Variants in CSMD1 observed in about 807,000 individuals in gnomAD.
The protein encoded by CSMD1 is CUB and sushi domain-containing protein 1.
CSMD1 carries 213 observed loss-of-function variants against 417.5 expected under a neutral mutation model. That is an observed-to-expected ratio of 0.51 (90% CI 0.46 to 0.57). The LOEUF (loss-of-function observed/expected upper bound fraction) is 0.57. CSMD1 is among the 20% of genes least tolerant of loss of function. The probability of loss-of-function intolerance (pLI) is 0.00; values close to 1 mark genes in which losing one functional copy is unlikely to be tolerated. For synonymous variants in CSMD1, 2,862 were observed against 1,736.8 expected, an observed-to-expected ratio of 1.65 and a Z score of -16.11; for missense variants, 6,923 against 4,529.7, an observed-to-expected ratio of 1.53 and a Z score of -15.17.
intron 57 of CSMD1, among the ~76,000 whole-genome samples, chr8:2,967,728 A>C (rs2062304): frequency 0.36 from 54,876 of 152,010 alleles, 10,696 homozygotes; most frequent in East Asian, 0.56. Context: ...TTTAATTGAA[A>C]CAATTTCAAA....
intron 2 of CSMD1, among the ~76,000 whole-genome samples, chr8:4,626,406 G>A (rs1031297261): frequency 5.9e-5 from 9 of 152,226 alleles, no homozygotes; most frequent in African/African-American, 2.2e-4. Context: ...TATGTGGAAG[G>A]AAGTAGTAGT....
chr8:4,940,568 C>T (rs4584160), intron 1 of CSMD1, among the ~76,000 whole-genome samples: 76,373 of 152,074 alleles, frequency 0.5, 20,385 homozygotes, highest in East Asian at 0.79. Flanking sequence ...CAACTAGCCT[C>T]GTGAAGTTTA....
chr8:4,315,390 T>C (rs1798862670), intron 3 of CSMD1, among the ~76,000 whole-genome samples: 1 of 152,016 alleles, frequency 6.6e-6, no homozygotes, highest in African/African-American at 2.4e-5. Context: ...CACTAATATG[T>C]CCCCAAGCAA....
intron 1 of CSMD1, among the ~76,000 whole-genome samples, chr8:4,804,201 T>C (rs189879889): frequency 1.2e-4 from 19 of 152,266 alleles, no homozygotes; most frequent in African/African-American, 3.6e-4. Context: ...TTTCAGGAAA[T>C]TTAAACCATA....
chr8:4,075,104 A>G (rs1799754197), intron 3 of CSMD1, among the ~76,000 whole-genome samples: 1 of 152,188 alleles, frequency 6.6e-6, no homozygotes. Flanking sequence ...GACAAAGAAC[A>G]AAGTTGAATA....
rs146893448 is a variant in CSMD1 at position 4,672,377 on chromosome 8, A to G, written c.86-34819T>C. On this transcript the variant is annotated intron_variant, in intron 1 of 69. Coordinates refer to ENST00000635120, the MANE Select transcript of CSMD1 (RefSeq NM_033225.6). Reference sequence around the variant, plus strand: ...ACTTGAAGTAACTGTAAAGAGACTTAGAGCCTGTTCACATTCTCACACTTT... The same window carrying G: ...ACTTGAAGTAACTGTAAAGAGACTTGGAGCCTGTTCACATTCTCACACTTT... Among the ~76,000 whole-genome samples, 549 of 152,350 alleles carry G rather than the reference A, an allele frequency of 3.6e-3. 3 individuals are homozygous for G. Among genetic ancestry groups the G allele is most frequent in the Middle Eastern group, 0.014 (4 of 294 alleles).
intron 2 of CSMD1, among the ~76,000 whole-genome samples, chr8:4,452,786 T>C (rs572530989): frequency 6.6e-6 from 1 of 152,094 alleles, no homozygotes; most frequent in Non-Finnish European, 1.5e-5. Context: ...CAATAAAGTT[T>C]ATTGGATTAA....
chr8:3,350,343 T>C (rs1808336737), intron 21 of CSMD1, among the ~76,000 whole-genome samples: 1 of 144,764 alleles, frequency 6.9e-6, no homozygotes, highest in South Asian at 2.1e-4. Context: ...TGTGTTATAA[T>C]ACCTATAATA....
At chr8:4,381,332 A>G (rs903287610) in intron 3 of CSMD1, among the ~76,000 whole-genome samples, 5 of 152,182 alleles carry the variant, frequency 3.3e-5, no homozygotes, top group Admixed American at 3.3e-4. Flanking sequence ...ATTCATTCCC[A>G]ACACAATGGA....
chr8:3,436,970 T>A (rs956589799), intron 12 of CSMD1, among the ~76,000 whole-genome samples: 1 of 152,150 alleles, frequency 6.6e-6, no homozygotes, highest in African/African-American at 2.4e-5. Flanking sequence ...GAAAAAAGCA[T>A]GCAAGAAGCA....
intron 37 of CSMD1, among the ~76,000 whole-genome samples, chr8:3,175,449 CCCTT>C (rs1820852339): frequency 1.4e-5 from 2 of 138,542 alleles, no homozygotes; most frequent in Admixed American, 1.5e-4. Context: ...TTCCCTCCCT[CCCTT>C]CCTTCTTTCC....
chr8:3,209,704 A>C (rs1270663095), intron 30 of CSMD1, among the ~76,000 whole-genome samples: 6 of 152,296 alleles, frequency 3.9e-5, no homozygotes, highest in African/African-American at 1.4e-4. Flanking sequence ...AAGTTATTTT[A>C]TTTTAATGCA....
intron 49 of CSMD1, among the ~76,000 whole-genome samples, chr8:3,069,828 G>T (rs1017347113): frequency 6.6e-6 from 1 of 152,226 alleles, no homozygotes; most frequent in Non-Finnish European, 1.5e-5. Flanking sequence ...CCTAGTAGAG[G>T]TTCTCTGTGA....
intron 1 of CSMD1, among the ~76,000 whole-genome samples, chr8:4,829,722 A>G (rs1387586927): frequency 2.1e-5 from 3 of 140,666 alleles, no homozygotes; most frequent in African/African-American, 8.0e-5. Context: ...TGGATGGCAG[A>G]GTGAGACCCT....
chr8:4,497,009 T>A (rs372521563), intron 2 of CSMD1, among the ~76,000 whole-genome samples: 7 of 152,180 alleles, frequency 4.6e-5, no homozygotes, highest in African/African-American at 1.7e-4. Context: ...AAAGAAACAC[T>A]TACAAAAATA....
At chr8:4,896,658 A>T (rs1301675755) in intron 1 of CSMD1, among the ~76,000 whole-genome samples, 1 of 152,146 alleles carries the variant, frequency 6.6e-6, no homozygotes, top group Non-Finnish European at 1.5e-5. Flanking sequence ...TAAATATTGG[A>T]AATTTTTTCC....
intron 3 of CSMD1, among the ~76,000 whole-genome samples, chr8:4,118,543 AC>A (rs1380023418): frequency 1.3e-5 from 2 of 152,224 alleles, no homozygotes; most frequent in Non-Finnish European, 2.9e-5. Flanking sequence ...AAAATGGGAT[AC>A]CATCTCACGC....
intron 1 of CSMD1, among the ~76,000 whole-genome samples, chr8:4,857,998 T>C (rs1585221823): frequency 6.6e-6 from 1 of 152,038 alleles, no homozygotes; most frequent in South Asian, 2.1e-4. Flanking sequence ...TGATGAACAT[T>C]GACGCAAAAA....
chr8:3,610,812 G>C (rs1341182112), intron 8 of CSMD1, among the ~76,000 whole-genome samples: 1 of 152,058 alleles, frequency 6.6e-6, no homozygotes, highest in Non-Finnish European at 1.5e-5. Flanking sequence ...TGGAATTTTA[G>C]AAGGTCTGTG....
Sources: gnomAD v4.1 joint callset for allele counts (sites outside exome capture counted in the v4.1 genomes callset) on GRCh38, gnomAD v4.1.1 for gene constraint, MANE v1.5 for transcripts, NCBI Gene and HGNC (gene_info 2026-07-23, HGNC 2026-07-21) for gene names.